TMEM45A: variants seen among roughly 807,000 people sequenced by gnomAD.
TMEM45A encodes the protein DNA polymerase-transactivated protein 4.
TMEM45A carries 25 observed loss-of-function variants against 32.0 expected under a neutral mutation model. The ratio of observed to expected loss-of-function variants is 0.78; its 90% CI spans 0.57 to 1.09. The LOEUF is 1.09. TMEM45A is among the 50% of genes least tolerant of loss of function. The pLI, the probability that TMEM45A is intolerant of heterozygous loss-of-function variation, is 0.00. For missense variants in TMEM45A, 302 were observed against 325.0 expected (o/e 0.93, Z 0.54); for synonymous variants, 122 against 114.8 (o/e 1.06, Z -0.40).
chr3:100,500,541 G>A (rs1707995383), intron 1 of TMEM45A, among the ~76,000 whole-genome samples: 1 of 152,196 alleles, frequency 6.6e-6, no homozygotes, highest in African/African-American at 2.4e-5. Flanking sequence ...CAGATTGACT[G>A]TTTCCAGTCT....
intron 1 of TMEM45A, among the ~76,000 whole-genome samples, chr3:100,499,722 CA>C: frequency 6.6e-6 from 1 of 152,186 alleles, no homozygotes; most frequent in South Asian, 2.1e-4. Flanking sequence ...AGTAAAAACA[CA>C]AAAATTAGCT....
chr3:100,532,718 G>C (rs566835034), intron 1 of TMEM45A, among the ~76,000 whole-genome samples: 73 of 152,220 alleles, frequency 4.8e-4, no homozygotes, highest in Non-Finnish European at 8.5e-4. Context: ...AGAGAAGATG[G>C]GAGTTTAGAG....
At position 100,501,490 on chromosome 3, in the gene TMEM45A, C is replaced by G. The variant is rs1489183254; in HGVS notation, c.-4+8562C>G. 3.9e-5 allele frequency among the ~76,000 whole-genome samples: 6 copies of G among 152,164 alleles called. No homozygotes were observed. The South Asian group carries it at 1.2e-3, about 31-fold the overall frequency. On this transcript the variant is annotated intron_variant, in intron 1 of 5. Coordinates refer to ENST00000323523, the MANE Select transcript of TMEM45A (RefSeq NM_018004.3). The stretch of plus-strand genomic sequence containing the variant: ...CTGGTGTCCTTCATTGCTGATGATG[C>G]TTAGAACTGGCCTCAAGCAGTCACA...
intron 5 of TMEM45A, chr3:100,573,548 C>T (rs992675630): frequency 3.3e-5 from 5 of 152,192 alleles, no homozygotes; most frequent in Non-Finnish European, 1.5e-5. Context: ...CATCTGCAAA[C>T]AGGGACAATT....
chr3:100,547,978 T>C (rs1455791326), intron 1 of TMEM45A, among the ~76,000 whole-genome samples: 1 of 152,240 alleles, frequency 6.6e-6, no homozygotes, highest in Admixed American at 6.5e-5. Context: ...CTTGTCATTT[T>C]AGATGTTTGG....
intron 4 of TMEM45A, among the ~76,000 whole-genome samples, chr3:100,560,755 AC>A (rs1169293992): frequency 6.6e-6 from 1 of 152,170 alleles, no homozygotes; most frequent in African/African-American, 2.4e-5. Context: ...AAGAGGGGAA[AC>A]CCCAAGAGAG....
At chr3:100,541,526 T>C (rs1460440027) in intron 1 of TMEM45A, among the ~76,000 whole-genome samples, 2 of 41,438 alleles carry the variant, frequency 4.8e-5, no homozygotes, top group East Asian at 8.3e-4. Context: ...TTTCTTTCCT[T>C]TTTTTTTTTT....
intron 1 of TMEM45A, among the ~76,000 whole-genome samples, chr3:100,533,869 A>G (rs891388440): frequency 3.3e-5 from 5 of 152,234 alleles, no homozygotes; most frequent in African/African-American, 1.2e-4. Context: ...GTTAAATAAC[A>G]TGCCCAATGT....
intron 1 of TMEM45A, among the ~76,000 whole-genome samples, chr3:100,499,184 A>C (rs951597234): frequency 6.6e-6 from 1 of 152,156 alleles, no homozygotes; most frequent in Non-Finnish European, 1.5e-5. Flanking sequence ...GATGCATAAC[A>C]GTTTAAAATG....
Position 100,558,574 on chromosome 3 carries a change from G to C in TMEM45A, c.573G>C (p.Gly191=). The part of the protein sequence containing the change: ...LLRSSLILLQ[G]SWFFQIGFVL... ...GGTCAAGTCTCATTCTGCTTCAGGG[G>C]AGCTGGTTCTTTCAGGTGAGTTGGG... is the stretch of plus-strand genomic sequence containing the variant. The change falls in exon 4 of 6, where the codon GGG becomes GGC. Residue 191 remains glycine (G), a synonymous_variant. Coordinates refer to ENST00000323523, the MANE Select transcript of TMEM45A (RefSeq NM_018004.3). 6.2e-7 allele frequency: 1 copy of C among 1,613,890 alleles called. No homozygotes were observed. The highest frequency in any genetic ancestry group is 8.5e-7 in the Non-Finnish European group (1 of 1,179,828).
intron 1 of TMEM45A, among the ~76,000 whole-genome samples, chr3:100,536,285 C>G (rs146014871): frequency 2.6e-5 from 4 of 152,232 alleles, no homozygotes; most frequent in East Asian, 3.9e-4. Context: ...ACTTGGGGAT[C>G]TGGTTAAAAA....
intron 1 of TMEM45A, among the ~76,000 whole-genome samples, chr3:100,510,835 T>A (rs1473932495): frequency 6.6e-6 from 1 of 152,146 alleles, no homozygotes; most frequent in Non-Finnish European, 1.5e-5. Context: ...TGCAGAAGCC[T>A]CAGGAGCTGA....
At chr3:100,570,921 C>T (rs776459868) in intron 5 of TMEM45A, 4 of 152,092 alleles carry the variant, frequency 2.6e-5, no homozygotes, top group Non-Finnish European at 5.9e-5. Context: ...TCTATGAAAA[C>T]TTCTGTGGTG....
intron 1 of TMEM45A, among the ~76,000 whole-genome samples, chr3:100,553,948 G>A (rs1706160288): frequency 6.6e-6 from 1 of 152,132 alleles, no homozygotes; most frequent in Admixed American, 6.5e-5. Flanking sequence ...AGGGATGGAA[G>A]TAACTCAAAA....
chr3:100,523,147 ATCT>A (rs1035785743), intron 1 of TMEM45A, among the ~76,000 whole-genome samples: 39 of 152,272 alleles, frequency 2.6e-4, no homozygotes, highest in Non-Finnish European at 2.1e-4. Flanking sequence ...GCTTTGCTAC[ATCT>A]TCTGCATCGC....
intron 1 of TMEM45A, among the ~76,000 whole-genome samples, chr3:100,501,162 T>C (rs531534215): frequency 6.6e-6 from 1 of 152,246 alleles, no homozygotes; most frequent in African/African-American, 2.4e-5. Context: ...TGAAAATTTG[T>C]CTGATTTTAG....
intron 4 of TMEM45A, among the ~76,000 whole-genome samples, chr3:100,559,050 T>C (rs1039097622): frequency 7.2e-5 from 11 of 152,178 alleles, no homozygotes; most frequent in African/African-American, 2.7e-4. Flanking sequence ...AATTTACAGA[T>C]AGGAAGACTC....
At chr3:100,508,031 A>C (rs1207005808) in intron 1 of TMEM45A, among the ~76,000 whole-genome samples, 1 of 151,734 alleles carries the variant, frequency 6.6e-6, no homozygotes, top group Non-Finnish European at 1.5e-5. Flanking sequence ...CCTCTCAGGC[A>C]TGGAAGGAGA....
chr3:100,536,651 T>C (rs1280292888), intron 1 of TMEM45A, among the ~76,000 whole-genome samples: 4 of 152,182 alleles, frequency 2.6e-5, no homozygotes, highest in African/African-American at 9.7e-5. Flanking sequence ...GCACTTATTC[T>C]TAAAAAAACT....
Sources: allele counts gnomAD v4.1 joint callset (sites outside exome capture counted in the v4.1 genomes callset), GRCh38; gene constraint gnomAD v4.1.1; transcripts MANE v1.5; gene names NCBI Gene and HGNC (gene_info 2026-07-23, HGNC 2026-07-21).